Variants in ZCCHC9 observed in about 807,000 individuals in gnomAD.
The protein encoded by ZCCHC9 is zinc finger CCHC-type containing 9, also known as zinc finger CCHC domain-containing protein 9.
Under a neutral mutation model 30.8 loss-of-function variants are expected in ZCCHC9, and 18 were observed. That is an observed-to-expected ratio of 0.58 (90% CI 0.40 to 0.87). The LOEUF (loss-of-function observed/expected upper bound fraction) is 0.87, where lower values mean the gene tolerates loss of function less well. Among genes scored for constraint, ZCCHC9 ranks in the 40% least tolerant of loss-of-function variants. The probability of loss-of-function intolerance (pLI) is 0.00; values close to 1 mark genes in which losing one functional copy is unlikely to be tolerated. For synonymous variants in ZCCHC9, 94 were observed against 106.7 expected (o/e 0.88, Z 0.73); for missense variants, 279 against 331.2 (o/e 0.84, Z 1.22).
intron 1 of ZCCHC9, chr5:81,302,727 G>A (rs1037023284): frequency 6.6e-6 from 1 of 152,124 alleles, no homozygotes; most frequent in African/African-American, 2.4e-5. Flanking sequence ...AAAAGATACT[G>A]TAAAAATATA....
At chr5:81,312,491 G>T (rs1758320038) in intron 5 of ZCCHC9, 53 bp from the exon 6 acceptor site, 3 of 1,362,428 alleles carry the variant, frequency 2.2e-6, no homozygotes, top group Non-Finnish European at 3.1e-6. Flanking sequence ...AATCTGAGTG[G>T]ATGCATTTGA....
chr5:81,309,090 T>A (rs1430881283), intron 4 of ZCCHC9, 52 bp downstream of exon 4: 1 of 1,332,076 alleles, frequency 7.5e-7, no homozygotes, highest in Non-Finnish European at 1.0e-6. Context: ...CGTGCAGTTG[T>A]GATTTAATTT....
At chr5:81,303,620 T>A (rs558563479) in intron 1 of ZCCHC9, 2 of 155,096 alleles carry the variant, frequency 1.3e-5, no homozygotes, top group Non-Finnish European at 2.8e-5. Context: ...GGAATACTTA[T>A]AATTGTCTAG....
rs371531563 is a variant in ZCCHC9, at chr5:81,308,641, G to T, written c.465G>T (p.Gly155=). 1.6e-5 allele frequency: 26 copies of T among 1,613,838 alleles called. 1 individual carries two copies. Among genetic ancestry groups the T allele is most frequent in the Non-Finnish European group, 2.2e-5 (26 of 1,179,914 alleles). Residue 155 remains glycine (G), a synonymous_variant, in exon 3 of 6, where the codon GGG becomes GGT. Transcript: ENST00000407610. ...TTGAAAATCAAGACATGGGCACTGG[G>T]ATATGTTACAGGTGTGGGTCCACAG... The part of the protein sequence containing the change: ...AALENQDMGT[G]ICYRCGSTEH...
chr5:81,312,761 G>A lies in ZCCHC9; in HGVS notation c.*99G>A, dbSNP rs1185452672. 1 of 839,390 alleles carries A rather than the reference G, an allele frequency of 1.2e-6. No homozygotes were observed. Among genetic ancestry groups the A allele is most frequent in the Non-Finnish European group, 1.9e-6 (1 of 513,146 alleles). 52.0% of individuals were successfully genotyped at this position (839,390 alleles called of 1,614,324 possible). A position where few individuals can be genotyped will look rare whatever the true frequency, so the allele number is the denominator to read the frequency against. On this transcript the variant is annotated 3_prime_UTR_variant, in exon 6 of 6. Transcript: ENST00000407610. ...TGAGCTCCCCTGTAGCCAGGACTAT[G>A]CTGTAGATATCAGTATGATCTGGGT... is the stretch of plus-strand genomic sequence containing the variant.
In ZCCHC9 at chr5:81,312,762, C is replaced by G. The variant is rs1461831306; in HGVS notation, c.*100C>G. The G allele has an allele frequency of 1.2e-6, 1 of 818,340 alleles. No homozygotes were observed. Among genetic ancestry groups the G allele is most frequent in the Non-Finnish European group, 2.0e-6 (1 of 498,944 alleles). 50.7% of individuals were successfully genotyped at this position (818,340 alleles called of 1,614,324 possible). On this transcript the variant is annotated 3_prime_UTR_variant, in exon 6 of 6. Coordinates refer to ENST00000407610, the MANE Select transcript of ZCCHC9 (RefSeq NM_001131035.2). ...GAGCTCCCCTGTAGCCAGGACTATGCTGTAGATATCAGTATGATCTGGGTG... is the reference window on the plus strand; with the variant it reads ...GAGCTCCCCTGTAGCCAGGACTATGGTGTAGATATCAGTATGATCTGGGTG...
chr5:81,308,402 T>C, intron 2 of ZCCHC9, 159 bp from the exon 3 acceptor site: 3 of 835,046 alleles, frequency 3.6e-6, no homozygotes, highest in Non-Finnish European at 5.2e-6. Flanking sequence ...GATATCTCGT[T>C]GTTTAGGAAC....
At position 81,305,072 on chromosome 5, in the gene ZCCHC9, T is replaced by C. The variant is rs1758051272; in HGVS notation, c.315T>C (p.Val105=). 6.2e-7 allele frequency: 1 copy of C among 1,610,540 alleles called. No homozygotes were observed. Among genetic ancestry groups the C allele is most frequent in the Non-Finnish European group, 8.5e-7 (1 of 1,179,250 alleles). The part of the protein sequence containing the change: ...DSEEVREEIA[V]ALKKDSRREG... ...AGGAAGTAAGGGAAGAAATTGCAGT[T>C]GCTTTAAAGAAAGACAGTCGACGGG... is the stretch of plus-strand genomic sequence containing the variant. Residue 105 remains valine, a synonymous_variant, in exon 2 of 6, where the codon GTT becomes GTC. Transcript: ENST00000407610.
chr5:81,310,850 C>T (rs1758259818), intron 4 of ZCCHC9, among the ~76,000 whole-genome samples: 2 of 152,218 alleles, frequency 1.3e-5, no homozygotes, highest in Non-Finnish European at 2.9e-5. Context: ...AGTGCATCTG[C>T]TTACATCTTT....
intron 5 of ZCCHC9, among the ~76,000 whole-genome samples, chr5:81,311,506 T>G (rs572953853): frequency 6.6e-6 from 1 of 152,310 alleles, no homozygotes; most frequent in South Asian, 2.1e-4. Context: ...ACCCTGACTT[T>G]ATAAGACACC....
chr5:81,312,447 A>T (rs955948), intron 5 of ZCCHC9, 97 bp from the exon 6 acceptor site: 117,419 of 879,678 alleles, frequency 0.13, 10,147 homozygotes, highest in African/African-American at 0.3. Flanking sequence ...GTGATTATTC[A>T]TATCAAAATG....
intron 1 of ZCCHC9, chr5:81,303,199 C>G (rs542729863): frequency 6.6e-6 from 1 of 152,132 alleles, no homozygotes; most frequent in Admixed American, 6.6e-5. Context: ...TGCGCCACCA[C>G]GCCCAGCTAA....
intron 2 of ZCCHC9, among the ~76,000 whole-genome samples, chr5:81,308,055 A>ATCTATCTATCTG (rs1435588233): frequency 2.7e-5 from 4 of 147,608 alleles, no homozygotes; most frequent in Non-Finnish European, 5.9e-5. Context: ...CTATCTATCT[A>ATCTATCTATCTG]TCTTATGGTT....
At chr5:81,311,423 G>C (rs1230894135) in intron 5 of ZCCHC9, 144 bp downstream of exon 5, 9 of 871,970 alleles carry the variant, frequency 1.0e-5, no homozygotes, top group Admixed American at 2.2e-5. Context: ...CTTAATCTCT[G>C]TCAGCAATAG....
intron 3 of ZCCHC9, 33 bp downstream of exon 3, chr5:81,308,744 A>G (rs935852367): frequency 6.3e-7 from 1 of 1,589,716 alleles, no homozygotes; most frequent in African/African-American, 1.4e-5. Flanking sequence ...TGTTTTGTTC[A>G]TGGGGAAAGC....
chr5:81,307,568 A>G (rs1005812349), intron 2 of ZCCHC9, among the ~76,000 whole-genome samples: 13 of 152,034 alleles, frequency 8.6e-5, no homozygotes, highest in Non-Finnish European at 1.6e-4. Flanking sequence ...CAGGAGAATC[A>G]TTTGAACCTG....
At chr5:81,305,595 C>CAAAA (rs33971441) in intron 2 of ZCCHC9, among the ~76,000 whole-genome samples, 4 of 132,926 alleles carry the variant, frequency 3.0e-5, no homozygotes, top group African/African-American at 8.3e-5. Context: ...CCATGTCTAC[C>CAAAA]AAAAAAAAAA....
chr5:81,305,164 G>A, intron 2 of ZCCHC9, 23 bp downstream of exon 2: 1 of 1,557,200 alleles, frequency 6.4e-7, no homozygotes, highest in Non-Finnish European at 8.6e-7. Context: ...CTTCTACCAT[G>A]TTATTTACTT....
At chr5:81,312,510 T>C (rs774849986) in intron 5 of ZCCHC9, 34 bp from the exon 6 acceptor site, 13 of 1,548,490 alleles carry the variant, frequency 8.4e-6, no homozygotes, top group Non-Finnish European at 8.9e-6. Flanking sequence ...GATTACTGTT[T>C]TTCTAACATT....
Sources: allele counts gnomAD v4.1 joint callset (sites outside exome capture counted in the v4.1 genomes callset), GRCh38; gene constraint gnomAD v4.1.1; transcripts MANE v1.5; gene names NCBI Gene and HGNC (gene_info 2026-07-23, HGNC 2026-07-21).